The following LSAMP variants were observed in gnomAD, a reference collection of about 807,000 sequenced individuals.
LSAMP encodes the protein limbic system associated membrane protein, also known as limbic system-associated membrane protein.
LSAMP carries 7 observed loss-of-function variants against 38.6 expected under a neutral mutation model. The ratio of observed to expected loss-of-function variants is 0.18; its 90% CI spans 0.10 to 0.34. The LOEUF is 0.34. Among genes scored for constraint, LSAMP ranks in the 10% least tolerant of loss-of-function variants. The pLI is 1.00. For missense variants in LSAMP, 313 were observed against 420.0 expected, an observed-to-expected ratio of 0.75 and a Z score of 2.23; for synonymous variants, 154 against 166.8, an observed-to-expected ratio of 0.92 and a Z score of 0.59.
rs148140793 is a variant in LSAMP, at chr3:116,104,153, T to C, written c.156-17597A>G. 1.0e-2 allele frequency among the ~76,000 whole-genome samples: 1,517 copies of C among 152,008 alleles called. 21 individuals carry two copies. Among genetic ancestry groups the C allele is most frequent in the African/African-American group, 0.033 (1,368 of 41,470 alleles). ...CTCAGTATGAACACTGGCCAGAGAG[T>C]CCAGTCTCATAATTTCAAAACCTTT... On this transcript the variant is annotated intron_variant, in intron 1 of 6. Transcript: ENST00000490035.
chr3:116,120,540 A>AT (rs1708850921), intron 1 of LSAMP, among the ~76,000 whole-genome samples: 1 of 152,168 alleles, frequency 6.6e-6, no homozygotes. Flanking sequence ...GAGCCCAGTT[A>AT]TTTTTTACTT....
chr3:116,085,174 A>G (rs1707960241), intron 2 of LSAMP, among the ~76,000 whole-genome samples: 1 of 152,166 alleles, frequency 6.6e-6, no homozygotes, highest in Non-Finnish European at 1.5e-5. Context: ...TGTGATTGGA[A>G]CTTTGCAAGC....
chr3:116,011,149 G>T (rs111727803), intron 3 of LSAMP, among the ~76,000 whole-genome samples: 1 of 151,938 alleles, frequency 6.6e-6, no homozygotes, highest in Admixed American at 6.6e-5. Context: ...GACCACAGGC[G>T]CACGCCACCA....
chr3:115,914,151 G>A lies in LSAMP; in HGVS notation c.515-61534C>T, dbSNP rs571946473. The stretch of plus-strand genomic sequence containing the variant: ...CCCTCAAAAAAATGGAAGACCTAGA[G>A]ATCCTTGACCAAACTTTAGTCAAGC... On this transcript the variant is annotated intron_variant, in intron 3 of 6. Coordinates refer to ENST00000490035, the MANE Select transcript of LSAMP (RefSeq NM_002338.5). Among the ~76,000 whole-genome samples, 12 of 152,256 alleles carry A rather than the reference G, an allele frequency of 7.9e-5. No individual in the cohort carries two copies. In the South Asian group the frequency reaches 8.3e-4, roughly 11 times the overall value.
Position 116,193,962 on chromosome 3 carries a change from A to T in LSAMP, c.156-107406T>A, listed in dbSNP as rs116482627. Among the ~76,000 whole-genome samples, 190 of 152,296 alleles carry T rather than the reference A, an allele frequency of 1.2e-3. 3 individuals are homozygous for T. Among genetic ancestry groups the T allele is most frequent in the African/African-American group, 4.4e-3 (181 of 41,562 alleles). The stretch of plus-strand genomic sequence containing the variant: ...CACATCCACTTCTTTAGTTGTGCAC[A>T]GTGTTTGCTAAGTCATGATGAGTTT... On this transcript the variant is annotated intron_variant, in intron 1 of 6. Transcript: ENST00000490035.
chr3:115,946,898 CAT>C (rs905452201), intron 3 of LSAMP, among the ~76,000 whole-genome samples: 3 of 151,716 alleles, frequency 2.0e-5, no homozygotes, highest in African/African-American at 7.3e-5. Context: ...GCATGTCAAA[CAT>C]ATATGTTTAG....
At chr3:115,964,182 G>T (rs9871164) in intron 3 of LSAMP, among the ~76,000 whole-genome samples, 33,137 of 151,948 alleles carry the variant, frequency 0.22, 3,862 homozygotes, top group African/African-American at 0.28. Context: ...ACTTATTTTT[G>T]GTGTTTTATT....
rs1576196936 is a variant in LSAMP, at chr3:116,403,768, A to G, written c.155+41109T>C. Reference sequence around the variant, plus strand: ...AATCTTTTTTTTTTTTAAACAAAAAAAGGACAGGGTCACATTCTGTTGCCC... The same window carrying G: ...AATCTTTTTTTTTTTTAAACAAAAAGAGGACAGGGTCACATTCTGTTGCCC... On this transcript the variant is annotated intron_variant, in intron 1 of 6. Coordinates refer to ENST00000490035, the MANE Select transcript of LSAMP (RefSeq NM_002338.5). 2.6e-5 allele frequency among the ~76,000 whole-genome samples: 4 copies of G among 152,164 alleles called. No individual in the cohort carries two copies. In the East Asian group the frequency reaches 5.8e-4, roughly 22 times the overall value.
intron 3 of LSAMP, among the ~76,000 whole-genome samples, chr3:115,969,707 A>G (rs1938951451): frequency 6.6e-6 from 1 of 152,106 alleles, no homozygotes; most frequent in South Asian, 2.1e-4. Flanking sequence ...ATCTTTATTA[A>G]TCCTCAACAA....
chr3:116,241,595 G>A (rs1489434063), intron 1 of LSAMP, among the ~76,000 whole-genome samples: 1 of 152,036 alleles, frequency 6.6e-6, no homozygotes, highest in Non-Finnish European at 1.5e-5. Context: ...GATAATTCTT[G>A]GTGTGCAAAA....
intron 1 of LSAMP, chr3:116,368,380 C>G (rs1253570330): frequency 6.6e-6 from 1 of 152,154 alleles, no homozygotes; most frequent in African/African-American, 2.4e-5. Context: ...ATTTATGTAG[C>G]TCACCTGTAT....
intron 1 of LSAMP, among the ~76,000 whole-genome samples, chr3:116,352,080 T>A (rs532429019): frequency 1.3e-5 from 2 of 152,162 alleles, no homozygotes; most frequent in South Asian, 4.1e-4. Context: ...TCACCGTATG[T>A]ACAGGCAGTG....
chr3:116,292,230 A>G (rs1183983457), intron 1 of LSAMP, among the ~76,000 whole-genome samples: 1 of 152,152 alleles, frequency 6.6e-6, no homozygotes, highest in South Asian at 2.1e-4. Flanking sequence ...AATCTCCTCA[A>G]TATATTAACA....
chr3:116,175,922 C>A (rs1275886876), intron 1 of LSAMP, among the ~76,000 whole-genome samples: 1 of 152,052 alleles, frequency 6.6e-6, no homozygotes, highest in Non-Finnish European at 1.5e-5. Flanking sequence ...CACCCAAAGG[C>A]AAACTTATTT....
chr3:116,442,853 G>T (rs947624684), intron 1 of LSAMP, among the ~76,000 whole-genome samples: 1 of 151,972 alleles, frequency 6.6e-6, no homozygotes, highest in Non-Finnish European at 1.5e-5. Flanking sequence ...TTTCTATTGC[G>T]CCATAGACAT....
intron 1 of LSAMP, among the ~76,000 whole-genome samples, chr3:116,393,924 C>G (rs562982783): frequency 6.6e-6 from 1 of 152,208 alleles, no homozygotes; most frequent in Admixed American, 6.5e-5. Flanking sequence ...GACAAGGAAG[C>G]GAGGATTTTG....
intron 1 of LSAMP, among the ~76,000 whole-genome samples, chr3:116,302,460 T>C (rs1439809680): frequency 6.6e-6 from 1 of 152,180 alleles, no homozygotes; most frequent in Non-Finnish European, 1.5e-5. Context: ...TATGACACAA[T>C]TTATAGAAAG....
intron 1 of LSAMP, among the ~76,000 whole-genome samples, chr3:116,242,069 C>T (rs1363504751): frequency 6.6e-6 from 1 of 152,204 alleles, no homozygotes; most frequent in Non-Finnish European, 1.5e-5. Context: ...TCCGACTGCA[C>T]ATTCCCTCCC....
chr3:116,000,535 A>C (rs1286114280), intron 3 of LSAMP, among the ~76,000 whole-genome samples: 14 of 152,164 alleles, frequency 9.2e-5, no homozygotes, highest in Non-Finnish European at 1.9e-4. Context: ...TGGTACACTG[A>C]GGGCTGCACC....
Sources: allele counts gnomAD v4.1 joint callset (sites outside exome capture counted in the v4.1 genomes callset), GRCh38; gene constraint gnomAD v4.1.1; transcripts MANE v1.5; gene names NCBI Gene and HGNC (gene_info 2026-07-23, HGNC 2026-07-21).